DCC: variants seen among roughly 807,000 people sequenced by gnomAD.
DCC encodes the protein DCC netrin 1 receptor.
DCC carries 58 observed loss-of-function variants against 172.5 expected under a neutral mutation model. The observed-to-expected ratio is 0.34, with a 90% CI of 0.27 to 0.42. The LOEUF (loss-of-function observed/expected upper bound fraction) is 0.42, where lower values mean the gene tolerates loss of function less well. Among genes scored for constraint, DCC ranks in the 10% least tolerant of loss-of-function variants. The probability of loss-of-function intolerance (pLI) is 1.00; values close to 1 mark genes in which losing one functional copy is unlikely to be tolerated. For missense variants in DCC, 1,740 were observed against 1,791.0 expected (o/e 0.97, Z 0.51); for synonymous variants, 709 against 644.5 (o/e 1.10, Z -1.52).
chr18:52,545,596 G>T (rs1371419955), intron 1 of DCC, among the ~76,000 whole-genome samples: 8 of 152,170 alleles, frequency 5.3e-5, no homozygotes, highest in African/African-American at 1.9e-4. Context: ...TAGTTCCCTT[G>T]TACCCGGATA....
At chr18:53,028,069 A>G (rs1339161792) in intron 5 of DCC, among the ~76,000 whole-genome samples, 3 of 152,162 alleles carry the variant, frequency 2.0e-5, no homozygotes, top group East Asian at 3.9e-4. Context: ...GGACATTTTT[A>G]TTAAAGCCCA....
At chr18:52,556,760 C>A (rs557839820) in intron 1 of DCC, among the ~76,000 whole-genome samples, 3 of 152,004 alleles carry the variant, frequency 2.0e-5, no homozygotes, top group Non-Finnish European at 4.4e-5. Context: ...CACATACTCC[C>A]ATAAAGGGAG....
intron 1 of DCC, among the ~76,000 whole-genome samples, chr18:52,636,006 G>A (rs2034771943): frequency 6.6e-6 from 1 of 152,260 alleles, no homozygotes; most frequent in East Asian, 1.9e-4. Context: ...GGGAGACACC[G>A]CAAATACTGT....
At chr18:52,467,623 A>G (rs1988824730) in intron 1 of DCC, among the ~76,000 whole-genome samples, 1 of 152,192 alleles carries the variant, frequency 6.6e-6, no homozygotes, top group Non-Finnish European at 1.5e-5. Flanking sequence ...GAATCACCAC[A>G]CTGTCTTCCA....
At chr18:52,358,896 G>A (rs987549521) in intron 1 of DCC, among the ~76,000 whole-genome samples, 3 of 152,192 alleles carry the variant, frequency 2.0e-5, no homozygotes, top group Admixed American at 2.0e-4. Flanking sequence ...CAGTGCCTGA[G>A]CATTATTACT....
chr18:53,277,891 G>C (rs1598975199), intron 12 of DCC, among the ~76,000 whole-genome samples: 1 of 152,120 alleles, frequency 6.6e-6, no homozygotes, highest in Non-Finnish European at 1.5e-5. Context: ...TTCCATGCAA[G>C]ATTCCAGGGA....
intron 7 of DCC, 32 bp downstream of exon 7, chr18:53,066,198 G>T: frequency 6.2e-7 from 1 of 1,605,050 alleles, no homozygotes; most frequent in East Asian, 2.2e-5. Flanking sequence ...TTTGGTACCT[G>T]GAATGAAAAT....
intron 4 of DCC, 128 bp from the exon 5 acceptor site, chr18:52,925,106 C>T: frequency 3.3e-6 from 3 of 909,530 alleles, no homozygotes; most frequent in Non-Finnish European, 5.3e-6. Flanking sequence ...TTTAATCAAG[C>T]CCTTATGATA....
intron 1 of DCC, among the ~76,000 whole-genome samples, chr18:52,644,531 A>G (rs2034973099): frequency 6.9e-6 from 1 of 145,422 alleles, no homozygotes; most frequent in Admixed American, 7.2e-5. Flanking sequence ...GTGAACCGAG[A>G]TTGCGCCACC....
At chr18:53,338,572 G>C (rs1376916654) in intron 14 of DCC, among the ~76,000 whole-genome samples, 1 of 152,208 alleles carries the variant, frequency 6.6e-6, no homozygotes, top group East Asian at 1.9e-4. Context: ...CTGCACTCTA[G>C]CCTGGGCGAC....
chr18:52,553,896 A>G (rs904655467), intron 1 of DCC, among the ~76,000 whole-genome samples: 1 of 152,206 alleles, frequency 6.6e-6, no homozygotes. Context: ...ACAGTGCCAC[A>G]TTACAAGTTG....
At chr18:52,496,623 G>A (rs2030762151) in intron 1 of DCC, among the ~76,000 whole-genome samples, 1 of 151,990 alleles carries the variant, frequency 6.6e-6, no homozygotes, top group African/African-American at 2.4e-5. Flanking sequence ...CTTCATTTCT[G>A]GCCCTGTATA....
intron 13 of DCC, among the ~76,000 whole-genome samples, chr18:53,307,618 A>G (rs1190505507): frequency 5.3e-5 from 8 of 151,856 alleles, no homozygotes; most frequent in Non-Finnish European, 5.9e-5. Context: ...ATAATTAACT[A>G]AAGGATTAAT....
At chr18:52,641,538 C>G (rs75246097) in intron 1 of DCC, among the ~76,000 whole-genome samples, 1 of 151,766 alleles carries the variant, frequency 6.6e-6, no homozygotes. Context: ...ACAATCTCAT[C>G]AAAAAGTGGG....
chr18:53,370,137 G>A (rs72927299), intron 15 of DCC, among the ~76,000 whole-genome samples: 19,656 of 151,694 alleles, frequency 0.13, 1,401 homozygotes, highest in East Asian at 0.21. Context: ...CTCCTAAATA[G>A]TTGCAGTTCT....
chr18:52,839,126 C>T (rs1191393699), intron 2 of DCC, among the ~76,000 whole-genome samples: 3 of 152,154 alleles, frequency 2.0e-5, no homozygotes, highest in South Asian at 4.1e-4. Context: ...AACCATATTA[C>T]AAGTCCTATA....
chr18:52,814,545 T>C (rs1269382114), intron 2 of DCC, among the ~76,000 whole-genome samples: 1 of 152,204 alleles, frequency 6.6e-6, no homozygotes, highest in African/African-American at 2.4e-5. Flanking sequence ...AAAAATGTAG[T>C]CTTGCATACA....
At chr18:52,968,704 A>C (rs2040974253) in intron 5 of DCC, among the ~76,000 whole-genome samples, 1 of 152,184 alleles carries the variant, frequency 6.6e-6, no homozygotes, top group Non-Finnish European at 1.5e-5. Flanking sequence ...ACGCAGTGGA[A>C]TCTTTTTAGT....
intron 1 of DCC, among the ~76,000 whole-genome samples, chr18:52,453,789 C>T (rs188946465): frequency 9.9e-4 from 150 of 152,210 alleles, no homozygotes; most frequent in Non-Finnish European, 1.7e-3. Context: ...TCTTTCCTTT[C>T]ATCTAATAAC....
Sources: gnomAD v4.1 joint callset for allele counts (sites outside exome capture counted in the v4.1 genomes callset) on GRCh38, gnomAD v4.1.1 for gene constraint, MANE v1.5 for transcripts, NCBI Gene and HGNC (gene_info 2026-07-23, HGNC 2026-07-21) for gene names.